Variants in RGS7 observed in about 807,000 individuals in gnomAD.
The protein encoded by RGS7 is regulator of G-protein signaling 7.
RGS7 carries 27 observed loss-of-function variants against 81.1 expected under a neutral mutation model. The ratio of observed to expected loss-of-function variants is 0.33; its 90% CI spans 0.25 to 0.46. RGS7 has a LOEUF of 0.46. Among genes scored for constraint, RGS7 ranks in the 20% least tolerant of loss-of-function variants. The pLI is 1.00. For missense variants in RGS7, 396 were observed against 607.4 expected (o/e 0.65, Z 3.66); for synonymous variants, 208 against 207.7 (o/e 1.00, Z -0.01).
chr1:241,131,550 AG>A (rs1404126588), intron 2 of RGS7, among the ~76,000 whole-genome samples: 3 of 152,204 alleles, frequency 2.0e-5, no homozygotes. Flanking sequence ...AAAAATTGGT[AG>A]GTGTAAGAAA....
Position 241,164,816 on chromosome 1 carries a change from A to C in RGS7, c.79-66054T>G, listed in dbSNP as rs754397496. Among the ~76,000 whole-genome samples, 2 of 151,648 alleles carry C rather than the reference A, an allele frequency of 1.3e-5. No individual in the cohort carries two copies. Among genetic ancestry groups the C allele is most frequent in the Non-Finnish European group, 3.0e-5 (2 of 67,690 alleles). ...TTCAGATCAATACATTCTAATACCG[A>C]GGCAACTTTTTTCTCAGTAATCTAA... is the stretch of plus-strand genomic sequence containing the variant. On this transcript the variant is annotated intron_variant, in intron 2 of 18. Transcript: ENST00000440928. The surrounding 1 kb of genome is among the most constrained non-coding windows in gnomAD (Gnocchi z 4.1).
intron 6 of RGS7, among the ~76,000 whole-genome samples, chr1:240,876,868 G>A (rs1023244940): frequency 2.6e-5 from 4 of 152,138 alleles, no homozygotes; most frequent in African/African-American, 9.7e-5. Context: ...GGCTGAAGCA[G>A]GAGAATTGCT....
intron 18 of RGS7, among the ~76,000 whole-genome samples, chr1:240,793,611 A>ATATATATATATTTTTTTT: frequency 2.9e-4 from 23 of 78,794 alleles, no homozygotes; most frequent in African/African-American, 2.2e-3. Flanking sequence ...ATATATATAT[A>ATATATATATATTTTTTTT]TTTTTTTTTT....
chr1:240,965,461 G>C (rs1682135170), intron 4 of RGS7, among the ~76,000 whole-genome samples: 1 of 152,170 alleles, frequency 6.6e-6, no homozygotes, highest in Non-Finnish European at 1.5e-5. Flanking sequence ...AACATTATTT[G>C]ACTTTTAGTA....
chr1:240,930,609 T>C (rs1415368889), intron 6 of RGS7, 108 bp downstream of exon 6: 1 of 1,065,960 alleles, frequency 9.4e-7, no homozygotes, highest in African/African-American at 1.6e-5. Flanking sequence ...GGTCCCATCC[T>C]GAGAACTGTG....
At chr1:240,874,216 C>T (rs1267084188) in intron 6 of RGS7, among the ~76,000 whole-genome samples, 1 of 152,276 alleles carries the variant, frequency 6.6e-6, no homozygotes, top group Admixed American at 6.5e-5. Context: ...TAAACGTTTG[C>T]TGTTTATAAA....
At chr1:241,162,607 C>T (rs912212775) in intron 2 of RGS7, among the ~76,000 whole-genome samples, 1 of 152,166 alleles carries the variant, frequency 6.6e-6, no homozygotes, top group African/African-American at 2.4e-5. Context: ...TTTTAAACAA[C>T]TCTGACTCCT....
chr1:241,199,093 T>C (rs1410265616), intron 2 of RGS7, among the ~76,000 whole-genome samples: 5 of 148,888 alleles, frequency 3.4e-5, no homozygotes, highest in African/African-American at 1.3e-4. Flanking sequence ...TCTCAAGAAA[T>C]GTAAAAAAAA....
intron 2 of RGS7, among the ~76,000 whole-genome samples, chr1:241,237,113 A>T (rs926694748): frequency 6.6e-6 from 1 of 152,236 alleles, no homozygotes; most frequent in African/African-American, 2.4e-5. Context: ...AATATTTTTT[A>T]AAATTAGCCA....
intron 2 of RGS7, among the ~76,000 whole-genome samples, chr1:241,290,831 T>C (rs1403722543): frequency 6.6e-6 from 1 of 152,184 alleles, no homozygotes; most frequent in African/African-American, 2.4e-5. Flanking sequence ...CGAGACAGAT[T>C]TCAAACTTGT....
In RGS7 at chr1:241,313,732, A is replaced by G. The variant is rs78717126; in HGVS notation, c.78+41967T>C. 5.8e-3 allele frequency among the ~76,000 whole-genome samples: 879 copies of G among 152,346 alleles called. 5 individuals are homozygous for G. The highest frequency in any genetic ancestry group is 0.019 in the African/African-American group (811 of 41,592). Reference sequence around the variant, plus strand: ...TGATTTCTCTGATGGATCTAGCAAAAAAAATTGAAAACCTTCTGGAAAGGA... The same window carrying G: ...TGATTTCTCTGATGGATCTAGCAAAGAAAATTGAAAACCTTCTGGAAAGGA... On this transcript the variant is annotated intron_variant, in intron 2 of 18. Coordinates refer to ENST00000440928, the MANE Select transcript of RGS7 (RefSeq NM_001364886.1).
intron 4 of RGS7, among the ~76,000 whole-genome samples, chr1:240,956,688 A>T (rs139144831): frequency 3.3e-5 from 5 of 152,172 alleles, no homozygotes; most frequent in African/African-American, 1.2e-4. Context: ...AACTGAAAGA[A>T]GCCACTCTAA....
chr1:241,282,987 T>A (rs2078606575), intron 2 of RGS7, among the ~76,000 whole-genome samples: 1 of 152,218 alleles, frequency 6.6e-6, no homozygotes. Flanking sequence ...TTACATTATA[T>A]GTACATAATT....
intron 3 of RGS7, among the ~76,000 whole-genome samples, chr1:241,034,087 A>T (rs906365521): frequency 2.6e-5 from 4 of 152,232 alleles, no homozygotes; most frequent in African/African-American, 9.6e-5. Flanking sequence ...ACTTCAACAA[A>T]TATTGAATAT....
chr1:241,186,603 A>C (rs1204536876), intron 2 of RGS7: 1 of 157,320 alleles, frequency 6.4e-6, no homozygotes, highest in East Asian at 2.0e-4. Flanking sequence ...GGCTCACCAC[A>C]ACCTCCGCCT....
intron 2 of RGS7, among the ~76,000 whole-genome samples, chr1:241,184,114 A>T (rs1357298130): frequency 6.6e-6 from 1 of 152,192 alleles, no homozygotes; most frequent in East Asian, 1.9e-4. Flanking sequence ...GGAAAAGTAG[A>T]GAAATAATGA....
chr1:241,077,602 C>T (rs1224319177), intron 3 of RGS7, among the ~76,000 whole-genome samples: 2 of 152,118 alleles, frequency 1.3e-5, no homozygotes, highest in Non-Finnish European at 2.9e-5. Context: ...CAGGGACCAG[C>T]GATAGTCACA....
At chr1:241,216,033 A>G (rs1182255672) in intron 2 of RGS7, among the ~76,000 whole-genome samples, 1 of 152,186 alleles carries the variant, frequency 6.6e-6, no homozygotes, top group Non-Finnish European at 1.5e-5. Context: ...GCACTTTGGG[A>G]GGCCGAGGCA....
At position 240,923,713 on chromosome 1, in the gene RGS7, G is replaced by GA. The variant is rs35315041; in HGVS notation, c.385+7003dup. Among the ~76,000 whole-genome samples, 244 of 140,088 alleles carry GA rather than the reference G, an allele frequency of 1.7e-3. 1 individual carries two copies. The highest frequency in any genetic ancestry group is 5.1e-3 in the African/African-American group (189 of 37,034). 91.9% of individuals were successfully genotyped at this position (140,088 alleles called of 152,430 possible). ...ATTAAATGCCAAATGGAATCCAGATGAAAAAAAAAAAACACACACAATTTG... is the reference window on the plus strand; with the variant it reads ...ATTAAATGCCAAATGGAATCCAGATGAAAAAAAAAAAAACACACACAATTTG... On this transcript the variant is annotated intron_variant, in intron 6 of 18. Transcript: ENST00000440928.
Sources: allele counts gnomAD v4.1 joint callset (sites outside exome capture counted in the v4.1 genomes callset), GRCh38; gene constraint gnomAD v4.1.1; non-coding constraint Gnocchi (gnomAD v3.1); transcripts MANE v1.5; gene names NCBI Gene and HGNC (gene_info 2026-07-23, HGNC 2026-07-21).